The following TRPM3 variants were observed in gnomAD, a reference collection of about 807,000 sequenced individuals.
The protein encoded by TRPM3 is long transient receptor potential channel 3.
In TRPM3, 77 loss-of-function variants were observed where a neutral mutation model predicts 181.2. The observed-to-expected ratio is 0.42, with a 90% CI of 0.35 to 0.51. TRPM3 has a LOEUF of 0.51. TRPM3 is among the 20% of genes least tolerant of loss of function. TRPM3 has a pLI of 0.01. For missense variants in TRPM3, 1,759 were observed against 2,196.7 expected, an observed-to-expected ratio of 0.80 and a Z score of 3.98; for synonymous variants, 745 against 796.4, an observed-to-expected ratio of 0.94 and a Z score of 1.09.
intron 22 of TRPM3, among the ~76,000 whole-genome samples, chr9:70,564,171 A>G (rs1388611836): frequency 1.3e-5 from 2 of 152,206 alleles, no homozygotes; most frequent in African/African-American, 2.4e-5. Flanking sequence ...CATCATCATC[A>G]TTACACCTTC....
intron 1 of TRPM3, among the ~76,000 whole-genome samples, chr9:71,401,720 G>C (rs1315349486): frequency 6.6e-6 from 1 of 152,160 alleles, no homozygotes; most frequent in Admixed American, 6.5e-5. Context: ...AGGTATTAAA[G>C]AATTGGATTT....
chr9:70,537,544 TG>T, intron 25 of TRPM3, 139 bp from the exon 26 acceptor site: 1 of 613,034 alleles, frequency 1.6e-6, no homozygotes, highest in Non-Finnish European at 2.4e-6. Context: ...TGAGAGGGGT[TG>T]GGGAGGAGAG....
Position 71,090,717 on chromosome 9 carries a change from C to A in TRPM3, c.177+30461G>T, listed in dbSNP as rs2066057527. Among the ~76,000 whole-genome samples the A allele has an allele frequency of 2.0e-5, 3 of 152,138 alleles. No homozygotes were observed. The South Asian group carries it at 6.2e-4, about 31-fold the overall frequency. ...TTCAAAGCTGGCTCTAGCAGTCATC[C>A]ATTCTATCATCTTAGACAAGTTATT... On this transcript the variant is annotated intron_variant, in intron 1 of 25. Transcript: ENST00000677713.
At chr9:71,061,357 T>G (rs1226541854) in intron 1 of TRPM3, among the ~76,000 whole-genome samples, 1 of 152,108 alleles carries the variant, frequency 6.6e-6, no homozygotes, top group African/African-American at 2.4e-5. Flanking sequence ...CAGTTGCACA[T>G]GGGGTTTGTG....
At chr9:70,597,813 T>C (rs2059282235) in intron 21 of TRPM3, among the ~76,000 whole-genome samples, 1 of 152,232 alleles carries the variant, frequency 6.6e-6, no homozygotes, top group Non-Finnish European at 1.5e-5. Context: ...TAGAACTTAA[T>C]GTTCAGTTCA....
rs748874933 is a variant in TRPM3 at position 70,598,566 on chromosome 9, T to G, written c.2901A>C (p.Gly967=). Residue 967 remains glycine, a synonymous_variant, in exon 21 of 26, where the codon GGA becomes GGC. Coordinates refer to ENST00000677713, the MANE Select transcript of TRPM3 (RefSeq NM_001366145.2). ...DLIAILLFSV[G]MILRLQDQPF... is the part of the protein sequence containing the mutation. The stretch of plus-strand genomic sequence containing the variant: ...GCTGGTCTTGGAGACGAAGGATCAT[T>G]CCGACAGAAAACAGAAGGATGGCGA... 1 of 1,614,178 alleles carries G rather than the reference T, an allele frequency of 6.2e-7. No individual in the cohort carries two copies. The highest frequency in any genetic ancestry group is 1.1e-5 in the South Asian group (1 of 91,078).
At chr9:71,163,820 A>G (rs991805177) in intron 1 of TRPM3, among the ~76,000 whole-genome samples, 2 of 152,186 alleles carry the variant, frequency 1.3e-5, no homozygotes, top group African/African-American at 4.8e-5. Flanking sequence ...GATCCTGGAA[A>G]GAGGGATTCT....
intron 1 of TRPM3, among the ~76,000 whole-genome samples, chr9:70,977,784 C>T (rs1015194741): frequency 6.6e-6 from 1 of 152,184 alleles, no homozygotes; most frequent in Non-Finnish European, 1.5e-5. Flanking sequence ...AGAAAGAACA[C>T]AACTCAGGAA....
In TRPM3 at chr9:70,831,981, A is replaced by ATATATATATATATATT. The variant is rs1564497354; in HGVS notation, c.802-3964_802-3963insAATATATATATATATA. 3.9e-4 allele frequency among the ~76,000 whole-genome samples: 46 copies of ATATATATATATATATT among 119,394 alleles called. 1 individual carries two copies. The Middle Eastern group carries it at 0.012, about 30-fold the overall frequency. 78.3% of individuals were successfully genotyped at this position (119,394 alleles called of 152,430 possible). ...CCCATAAATATATATATATATATAT[A>ATATATATATATATATT]TATATATATATATATACCTACTATG... On this transcript the variant is annotated intron_variant, in intron 5 of 25. Transcript: ENST00000677713.
intron 8 of TRPM3, among the ~76,000 whole-genome samples, chr9:70,748,732 T>C (rs578085675): frequency 6.2e-4 from 94 of 152,298 alleles, no homozygotes; most frequent in African/African-American, 2.0e-3. Flanking sequence ...GTCTTGATCT[T>C]GGACTGTCCA....
intron 1 of TRPM3, among the ~76,000 whole-genome samples, chr9:71,393,024 A>G (rs554748426): frequency 6.6e-6 from 1 of 152,280 alleles, no homozygotes; most frequent in South Asian, 2.1e-4. Context: ...GAAGGAATGT[A>G]AGAAACGATT....
intron 1 of TRPM3, among the ~76,000 whole-genome samples, chr9:71,378,360 C>A (rs973801272): frequency 2.0e-5 from 3 of 152,034 alleles, no homozygotes; most frequent in African/African-American, 7.2e-5. Context: ...ATGGATACAA[C>A]CACTTTGTAA....
At chr9:70,934,219 C>T (rs2096802393) in intron 1 of TRPM3, among the ~76,000 whole-genome samples, 1 of 152,012 alleles carries the variant, frequency 6.6e-6, no homozygotes, top group Non-Finnish European at 1.5e-5. Context: ...TTAATATCTT[C>T]AGAGTTACAG....
chr9:70,556,052 C>A (rs2047614543), intron 22 of TRPM3, among the ~76,000 whole-genome samples: 2 of 152,292 alleles, frequency 1.3e-5, no homozygotes, highest in Admixed American at 1.3e-4. Flanking sequence ...TCCACTTGGG[C>A]CCTTGTGCCC....
intron 1 of TRPM3, among the ~76,000 whole-genome samples, chr9:71,266,573 A>T (rs2083408046): frequency 6.6e-6 from 1 of 152,128 alleles, no homozygotes. Flanking sequence ...AAATAAAATA[A>T]TTTCAGTGTG....
intron 1 of TRPM3, among the ~76,000 whole-genome samples, chr9:71,428,730 T>C (rs974849501): frequency 1.3e-5 from 2 of 152,088 alleles, no homozygotes; most frequent in African/African-American, 4.8e-5. Context: ...GAAAAACATA[T>C]AACACACAGA....
chr9:71,442,234 A>T (rs1004713231), intron 1 of TRPM3, among the ~76,000 whole-genome samples: 30 of 152,196 alleles, frequency 2.0e-4, no homozygotes, highest in Admixed American at 2.6e-4. Flanking sequence ...CCTGCTGATA[A>T]GGGTAATTAT....
chr9:71,250,448 T>C (rs145827110), intron 1 of TRPM3, among the ~76,000 whole-genome samples: 1 of 152,314 alleles, frequency 6.6e-6, no homozygotes, highest in African/African-American at 2.4e-5. Context: ...GCACTGGTTA[T>C]ACAATGGTGA....
At chr9:71,154,212 A>C (rs2075871703) in intron 1 of TRPM3, among the ~76,000 whole-genome samples, 1 of 152,182 alleles carries the variant, frequency 6.6e-6, no homozygotes, top group African/African-American at 2.4e-5. Flanking sequence ...CTTACCCAAT[A>C]ACTTTTTAAA....
Sources: allele counts gnomAD v4.1 joint callset (sites outside exome capture counted in the v4.1 genomes callset), GRCh38; gene constraint gnomAD v4.1.1; transcripts MANE v1.5; gene names NCBI Gene and HGNC (gene_info 2026-07-23, HGNC 2026-07-21).